The following DMD variants were observed in gnomAD, a reference collection of about 807,000 sequenced individuals.
DMD encodes mutant dystrophin.
Under a neutral mutation model 330.1 loss-of-function variants are expected in DMD, and 63 were observed. The ratio of observed to expected loss-of-function variants is 0.19; its 90% CI spans 0.16 to 0.24. The LOEUF is 0.24. Ranked by LOEUF, DMD falls within the 10% of genes least tolerant of loss-of-function variation. The pLI, the probability that DMD is intolerant of heterozygous loss-of-function variation, is 1.00. For synonymous variants in DMD, 1,223 were observed against 959.8 expected, an observed-to-expected ratio of 1.27 and a Z score of -5.07; for missense variants, 3,344 against 2,684.1, an observed-to-expected ratio of 1.25 and a Z score of -5.43.
chrX:32,677,868 G>A (rs184088497), intron 9 of DMD, among the ~76,000 whole-genome samples: 1 of 111,897 alleles, frequency 8.9e-6, no homozygotes, highest in African/African-American at 3.2e-5. Context: ...ATGCCCGATA[G>A]CTGAATGGAT....
chrX:32,751,358 G>A (rs759077479), intron 7 of DMD, among the ~76,000 whole-genome samples: 21 of 111,134 alleles, frequency 1.9e-4, no homozygotes, highest in Non-Finnish European at 3.8e-4. Flanking sequence ...TTGGGAGCCC[G>A]AACAAAAGTG....
chrX:31,572,289 C>A (rs1323573129), intron 55 of DMD, among the ~76,000 whole-genome samples: 1 of 112,163 alleles, frequency 8.9e-6, no homozygotes, highest in East Asian at 2.8e-4. Context: ...TCATGAGAAG[C>A]AACCCTTCCC....
intron 42 of DMD, among the ~76,000 whole-genome samples, chrX:32,295,772 A>T (rs1569556295): frequency 8.9e-6 from 1 of 112,087 alleles, no homozygotes; most frequent in Non-Finnish European, 1.9e-5. Flanking sequence ...TCCATTCTTT[A>T]TCATAAGGGA....
At chrX:32,968,750 C>T (rs191383833) in intron 2 of DMD, among the ~76,000 whole-genome samples, 156 of 108,459 alleles carry the variant, frequency 1.4e-3, no homozygotes, top group Non-Finnish European at 1.1e-3. Flanking sequence ...AACCTACAGG[C>T]CAGGCGCGGT....
intron 44 of DMD, among the ~76,000 whole-genome samples, chrX:32,146,438 G>A (rs1041128839): frequency 9.0e-6 from 1 of 111,069 alleles, no homozygotes; most frequent in Non-Finnish European, 1.9e-5. Flanking sequence ...GATGGAAGGA[G>A]ACAGGTAGAC....
chrX:32,883,823 C>CCA (rs1169678184), intron 2 of DMD, among the ~76,000 whole-genome samples: 5 of 30,350 alleles, frequency 1.6e-4, no homozygotes, highest in African/African-American at 7.2e-4. Flanking sequence ...GACTCTGTTT[C>CCA]AAAAAAAAAA....
intron 11 of DMD, 132 bp from the exon 12 acceptor site, chrX:32,614,585 G>C: frequency 1.8e-6 from 1 of 545,666 alleles, no homozygotes; most frequent in Non-Finnish European, 3.0e-6. Context: ...CATTGAGAAG[G>C]ATGTAAGTAA....
At position 32,305,653 on chromosome X, in the gene DMD, C is replaced by G. The variant is rs761265496; in HGVS notation, c.6117+4429G>C. 2.8e-3 allele frequency among the ~76,000 whole-genome samples: 312 copies of G among 111,389 alleles called. 1 individual carries two copies. The highest frequency in any genetic ancestry group is 5.1e-3 in the Non-Finnish European group (267 of 52,825). ...TCTCAACCCAGAAGCCAGTGTGATC[C>G]TTTTAAAACATGATTGAGATCATGC... On this transcript the variant is annotated intron_variant, in intron 42 of 78. Coordinates refer to ENST00000357033, the MANE Select transcript of DMD (RefSeq NM_004006.3).
chrX:32,009,575 A>G (rs748730316), intron 44 of DMD, among the ~76,000 whole-genome samples: 1 of 111,907 alleles, frequency 8.9e-6, no homozygotes, highest in African/African-American at 3.2e-5. Context: ...TGGAGAAAGA[A>G]ACACTTAAGT....
At position 32,310,278 on chromosome X, in the gene DMD, T is replaced by A; in HGVS notation, c.5923-2A>T. 8.3e-7 allele frequency: 1 copy of A among 1,206,190 alleles called. No individual in the cohort carries two copies. Among genetic ancestry groups the A allele is most frequent in the Non-Finnish European group, 1.1e-6 (1 of 891,392 alleles). ...CATCGTTTCTTCACGGACAGTGTGC[T>A]GGTATAGATATACAAAAGAACAATT... On this transcript the variant is annotated splice_acceptor_variant, in intron 41 of 78. Coordinates refer to ENST00000357033, the MANE Select transcript of DMD (RefSeq NM_004006.3). LOFTEE classifies it high-confidence loss of function.
At chrX:31,134,727 G>A (rs1374164692) in intron 76 of DMD, among the ~76,000 whole-genome samples, 2 of 112,391 alleles carry the variant, frequency 1.8e-5, no homozygotes, top group African/African-American at 3.2e-5. Flanking sequence ...AGCCTACTGC[G>A]TATCTTTTTA....
chrX:31,195,338 T>C (rs906620111), intron 67 of DMD, among the ~76,000 whole-genome samples: 6 of 111,791 alleles, frequency 5.4e-5, no homozygotes, highest in East Asian at 5.6e-4. Flanking sequence ...CTAGGGAACA[T>C]ATGCACAATT....
intron 17 of DMD, among the ~76,000 whole-genome samples, chrX:32,542,338 C>A (rs1419707746): frequency 9.0e-6 from 1 of 111,559 alleles, no homozygotes; most frequent in African/African-American, 3.3e-5. Flanking sequence ...GAGGTTGAGG[C>A]AGAGAATTGC....
At chrX:32,535,957 A>T (rs1158960679) in intron 17 of DMD, among the ~76,000 whole-genome samples, 1 of 111,552 alleles carries the variant, frequency 9.0e-6, no homozygotes, top group Non-Finnish European at 1.9e-5. Flanking sequence ...CAAGTGTTTT[A>T]ATAGAAGTGT....
At chrX:31,536,547 A>G (rs1292456907) in intron 55 of DMD, among the ~76,000 whole-genome samples, 1 of 111,800 alleles carries the variant, frequency 8.9e-6, no homozygotes, top group East Asian at 2.8e-4. Context: ...AGGATCCTAG[A>G]GCAGCTATTT....
At chrX:33,115,166 T>G (rs761179318) in intron 1 of DMD, among the ~76,000 whole-genome samples, 1 of 112,136 alleles carries the variant, frequency 8.9e-6, no homozygotes, top group Non-Finnish European at 1.9e-5. Context: ...AATAAACTAC[T>G]TAATCCTTAC....
At chrX:31,926,042 A>T (rs928744860) in intron 47 of DMD, among the ~76,000 whole-genome samples, 1 of 110,710 alleles carries the variant, frequency 9.0e-6, no homozygotes, top group African/African-American at 3.3e-5. Flanking sequence ...TGTTCAGAGA[A>T]AATACAAAGA....
At chrX:31,496,743 T>C (rs757056155) in intron 57 of DMD, 45 bp downstream of exon 57, 5 of 1,193,460 alleles carry the variant, frequency 4.2e-6, no homozygotes, top group Non-Finnish European at 5.7e-6. Flanking sequence ...ACTGGATTAC[T>C]ATGTGCTTAA....
intron 44 of DMD, among the ~76,000 whole-genome samples, chrX:32,065,684 T>C (rs927250702): frequency 2.7e-5 from 3 of 111,918 alleles, no homozygotes; most frequent in African/African-American, 9.7e-5. Context: ...CCATGAAAAG[T>C]GCTAAACATC....
Sources: allele counts gnomAD v4.1 joint callset (sites outside exome capture counted in the v4.1 genomes callset), GRCh38; gene constraint gnomAD v4.1.1; transcripts MANE v1.5; gene names NCBI Gene and HGNC (gene_info 2026-07-23, HGNC 2026-07-21).